Variants in CNTN1 observed in about 807,000 individuals in gnomAD.
CNTN1 encodes the protein contactin-1.
In CNTN1, 38 loss-of-function variants were observed where a neutral mutation model predicts 126.4. The ratio of observed to expected loss-of-function variants is 0.30; its 90% confidence interval spans 0.23 to 0.39. The LOEUF is 0.39. CNTN1 is among the 10% of genes least tolerant of loss of function. The pLI, the probability that CNTN1 is intolerant of heterozygous loss-of-function variation, is 1.00. For synonymous variants in CNTN1, 413 were observed against 422.6 expected (o/e 0.98, Z 0.28); for missense variants, 1,009 against 1,248.4 (o/e 0.81, Z 2.89).
intron 1 of CNTN1, among the ~76,000 whole-genome samples, chr12:40,703,599 G>A (rs1392115017): frequency 6.6e-6 from 1 of 152,138 alleles, no homozygotes; most frequent in Non-Finnish European, 1.5e-5. Context: ...AGGCTACTTA[G>A]GCAGGTGCCT....
intron 17 of CNTN1, among the ~76,000 whole-genome samples, chr12:41,003,046 C>T (rs929840194): frequency 6.6e-6 from 1 of 152,140 alleles, no homozygotes; most frequent in Admixed American, 6.5e-5. Context: ...ATGATTCCAG[C>T]TTTTGCCCAT....
At chr12:40,870,213 AG>A (rs67923393) in intron 1 of CNTN1, among the ~76,000 whole-genome samples, 35,557 of 151,456 alleles carry the variant, frequency 0.23, 4,688 homozygotes, top group South Asian at 0.35. Flanking sequence ...TGTCTTTATC[AG>A]CAGCATAAAA....
At chr12:40,975,574 T>G (rs551121367) in intron 15 of CNTN1, among the ~76,000 whole-genome samples, 1 of 152,198 alleles carries the variant, frequency 6.6e-6, no homozygotes, top group African/African-American at 2.4e-5. Context: ...TAGGTGAAAT[T>G]TTATGGAACA....
intron 1 of CNTN1, among the ~76,000 whole-genome samples, chr12:40,872,931 AC>A (rs1467337773): frequency 6.6e-6 from 1 of 152,050 alleles, no homozygotes; most frequent in African/African-American, 2.4e-5. Context: ...TACTATTATT[AC>A]CCCATTTTAA....
chr12:40,943,902 C>A, intron 13 of CNTN1, 93 bp from the exon 14 acceptor site: 1 of 1,394,524 alleles, frequency 7.2e-7, no homozygotes, highest in South Asian at 1.3e-5. Context: ...TTATTTTGCA[C>A]AAATAAAAAT....
chr12:40,833,245 C>T (rs1941924747), intron 1 of CNTN1, among the ~76,000 whole-genome samples: 1 of 152,090 alleles, frequency 6.6e-6, no homozygotes, highest in South Asian at 2.1e-4. Context: ...CAGGCATGTG[C>T]CTCCACATCT....
At chr12:40,993,079 TAA>T in intron 16 of CNTN1, 39 bp from the exon 17 acceptor site, 2 of 1,562,764 alleles carry the variant, frequency 1.3e-6, no homozygotes, top group Non-Finnish European at 1.8e-6. Context: ...AGTGATAAGT[TAA>T]TCAACCTGTA....
chr12:40,793,348 T>C (rs1940290974), intron 1 of CNTN1, among the ~76,000 whole-genome samples: 1 of 152,080 alleles, frequency 6.6e-6, no homozygotes, highest in African/African-American at 2.4e-5. Context: ...AAGAGAAATT[T>C]GTATGCTTTT....
In CNTN1 at chr12:40,925,591, G is replaced by GTATA. The variant is rs148857277; in HGVS notation, c.496+950_496+953dup. Among the ~76,000 whole-genome samples, 10 of 135,962 alleles carry GTATA rather than the reference G, an allele frequency of 7.4e-5. No homozygotes were observed. The South Asian group carries it at 2.3e-3, about 32-fold the overall frequency. 89.2% of individuals were successfully genotyped at this position (135,962 alleles called of 152,430 possible). ...TATACGTATATACGTATATATACAT[G>GTATA]TATATATATATATACGTGTATATAT... On this transcript the variant is annotated intron_variant, in intron 6 of 23. Transcript: ENST00000551295.
chr12:40,796,985 T>C (rs7302071), intron 1 of CNTN1, among the ~76,000 whole-genome samples: 150,366 of 152,206 alleles, frequency 0.99, 74,296 homozygotes, highest in Middle Eastern at 1. Context: ...TATTTGGAAG[T>C]AGGCAGCCCA....
At chr12:40,878,291 C>T (rs1943747017) in intron 1 of CNTN1, among the ~76,000 whole-genome samples, 1 of 149,720 alleles carries the variant, frequency 6.7e-6, no homozygotes, top group Non-Finnish European at 1.5e-5. Context: ...CCACTGCACC[C>T]AGCCAAGAAA....
intron 23 of CNTN1, among the ~76,000 whole-genome samples, chr12:41,061,597 C>T (rs550074862): frequency 6.6e-6 from 1 of 152,264 alleles, no homozygotes. Flanking sequence ...AAACTAATAT[C>T]AACTTTGATT....
At chr12:40,966,397 A>G (rs1228916505) in intron 15 of CNTN1, among the ~76,000 whole-genome samples, 1 of 152,146 alleles carries the variant, frequency 6.6e-6, no homozygotes, top group Non-Finnish European at 1.5e-5. Context: ...ATTGATAGCA[A>G]AACCTGCCTA....
chr12:40,951,715 TAAAAAAAAAA>T (rs71078286), intron 14 of CNTN1, among the ~76,000 whole-genome samples: 2 of 110,026 alleles, frequency 1.8e-5, no homozygotes, highest in Non-Finnish European at 3.6e-5. Context: ...TCTCAAAATT[TAAAAAAAAAA>T]AAAAAAAAAA....
At chr12:41,039,132 T>C (rs570686620) in intron 23 of CNTN1, among the ~76,000 whole-genome samples, 1 of 152,246 alleles carries the variant, frequency 6.6e-6, no homozygotes, top group South Asian at 2.1e-4. Context: ...TGAGAAGCCA[T>C]TGAACCAGTT....
At chr12:40,869,044 GA>G (rs963239853) in intron 1 of CNTN1, among the ~76,000 whole-genome samples, 266 of 150,624 alleles carry the variant, frequency 1.8e-3, no homozygotes, top group Non-Finnish European at 2.4e-3. Context: ...TGTGAAAATT[GA>G]AAAAAAATTT....
intron 15 of CNTN1, among the ~76,000 whole-genome samples, chr12:40,979,526 A>G (rs562317402): frequency 1.3e-4 from 20 of 152,234 alleles, no homozygotes; most frequent in East Asian, 7.7e-4. Flanking sequence ...TACTTAATAA[A>G]AATTATTAAT....
At chr12:40,760,442 C>T (rs115090471) in intron 1 of CNTN1, among the ~76,000 whole-genome samples, 1,650 of 151,764 alleles carry the variant, frequency 0.011, 36 homozygotes, top group African/African-American at 0.038. Flanking sequence ...CTGCTACCAA[C>T]ATTATTATTA....
chr12:40,713,794 C>T (rs768403863), intron 1 of CNTN1, among the ~76,000 whole-genome samples: 2 of 152,102 alleles, frequency 1.3e-5, no homozygotes, highest in Non-Finnish European at 2.9e-5. Flanking sequence ...TCCAAAACCC[C>T]TGTGCATTAT....
Sources: gnomAD v4.1 joint callset for allele counts (sites outside exome capture counted in the v4.1 genomes callset) on GRCh38, gnomAD v4.1.1 for gene constraint, MANE v1.5 for transcripts, NCBI Gene and HGNC (gene_info 2026-07-23, HGNC 2026-07-21) for gene names.